FRMD4A: variants seen among roughly 807,000 people sequenced by gnomAD.
FRMD4A encodes the protein FERM domain containing 4A.
Under a neutral mutation model 129.1 loss-of-function variants are expected in FRMD4A, and 29 were observed. The ratio of observed to expected loss-of-function variants is 0.22; its 90% CI spans 0.17 to 0.31. FRMD4A has a LOEUF of 0.31. Ranked by LOEUF, FRMD4A falls within the 10% of genes least tolerant of loss-of-function variation. FRMD4A has a pLI of 1.00. For missense variants in FRMD4A, 1,272 were observed against 1,375.8 expected, an observed-to-expected ratio of 0.92 and a Z score of 1.19; for synonymous variants, 634 against 571.6, an observed-to-expected ratio of 1.11 and a Z score of -1.56.
At chr10:14,140,900 G>A (rs2400041) in intron 2 of FRMD4A, among the ~76,000 whole-genome samples, 43,099 of 151,988 alleles carry the variant, frequency 0.28, 7,223 homozygotes, top group East Asian at 0.51. Flanking sequence ...GGCTCAGGGA[G>A]ACTGAAGTCT....
chr10:13,828,579 CT>C (rs2093740327), intron 3 of FRMD4A, among the ~76,000 whole-genome samples: 1 of 150,158 alleles, frequency 6.7e-6, no homozygotes, highest in African/African-American at 2.5e-5. Flanking sequence ...GTTGCCCAGG[CT>C]GGAGTGCAAT....
At position 13,714,021 on chromosome 10, in the gene FRMD4A, A is replaced by AAATATATATTTTATATATAT. The variant is rs1225477259; in HGVS notation, c.760-6909_760-6908insATATATATAAAATATATATT. Among the ~76,000 whole-genome samples, 4 of 1,476 alleles carry AAATATATATTTTATATATAT rather than the reference A, an allele frequency of 2.7e-3. 2 individuals carry two copies. The highest frequency in any genetic ancestry group is 4.0e-3 in the Non-Finnish European group (2 of 494). The allele number at this position is 1,476 out of a possible 152,430, so 1.0% of individuals were successfully genotyped here. A position where few individuals can be genotyped will look rare whatever the true frequency, so the allele number is the denominator to read the frequency against. ...ATACATATATAATATACATATATAA[A>AAATATATATTTTATATATAT]ATATACATATATATATATATATATA... On this transcript the variant is annotated intron_variant, in intron 12 of 24. Transcript: ENST00000357447.
intron 2 of FRMD4A, among the ~76,000 whole-genome samples, chr10:13,927,397 G>A (rs548371896): frequency 6.6e-6 from 1 of 152,222 alleles, no homozygotes; most frequent in East Asian, 1.9e-4. Flanking sequence ...TAAACTCATG[G>A]CTGCCCATGA....
At chr10:13,981,168 G>A (rs1029799377) in intron 2 of FRMD4A, among the ~76,000 whole-genome samples, 6 of 152,168 alleles carry the variant, frequency 3.9e-5, no homozygotes, top group African/African-American at 1.4e-4. Context: ...ATTTGACTGA[G>A]GATGGTAGAT....
intron 2 of FRMD4A, among the ~76,000 whole-genome samples, chr10:13,912,520 ATTTTTTTTTT>A (rs57865883): frequency 7.9e-6 from 1 of 126,212 alleles, no homozygotes; most frequent in African/African-American, 3.0e-5. Context: ...ACATAATAGA[ATTTTTTTTTT>A]TTTTTTTTTT....
In FRMD4A at chr10:13,657,322, G is replaced by T; in HGVS notation, c.2267C>A (p.Ser756Ter). Residue 756 changes from serine to a stop codon, truncating the protein, a stop_gained, in exon 22 of 25, where the codon TCG becomes TAG. Coordinates refer to ENST00000357447, the MANE Select transcript of FRMD4A (RefSeq NM_018027.5). LOFTEE classifies it high-confidence loss of function. ...CATCTGCGCCGGGTAGTAGTGCTCC[G>T]AGCTCGAGTGGCTGGTGCACGACGA... ...DCSSCTSHSSSEHYYPAQMNA... is the reference protein window; with the variant it reads ...DCSSCTSHSS 1 of 1,611,896 alleles carries T rather than the reference G, an allele frequency of 6.2e-7. No homozygotes were observed.
chr10:13,783,834 C>A (rs4750414), intron 5 of FRMD4A, among the ~76,000 whole-genome samples: 44,878 of 152,096 alleles, frequency 0.3, 7,429 homozygotes, highest in East Asian at 0.52. Flanking sequence ...AAATGAGAAT[C>A]GGATTTCATC....
At chr10:13,961,293 T>C (rs913071176) in intron 2 of FRMD4A, among the ~76,000 whole-genome samples, 1 of 152,186 alleles carries the variant, frequency 6.6e-6, no homozygotes, top group Non-Finnish European at 1.5e-5. Flanking sequence ...AATCATTCAC[T>C]GGAAACCCAT....
At chr10:14,100,673 A>G (rs72776679) in intron 2 of FRMD4A, among the ~76,000 whole-genome samples, 22,646 of 152,060 alleles carry the variant, frequency 0.15, 1,996 homozygotes, top group Non-Finnish European at 0.2. Flanking sequence ...TGAAGTTAAG[A>G]TTATTGAAGA....
At chr10:14,184,764 A>G (rs1842032191) in intron 2 of FRMD4A, among the ~76,000 whole-genome samples, 1 of 152,170 alleles carries the variant, frequency 6.6e-6, no homozygotes, top group Non-Finnish European at 1.5e-5. Context: ...TAAGTCAGAT[A>G]TGAAAGAAGA....
intron 2 of FRMD4A, among the ~76,000 whole-genome samples, chr10:14,239,227 C>A (rs1050800568): frequency 1.3e-5 from 2 of 152,188 alleles, no homozygotes; most frequent in Non-Finnish European, 2.9e-5. Flanking sequence ...GGTTGTATAA[C>A]CCTACGTGGC....
rs891952269 is a variant in FRMD4A at position 13,738,171 on chromosome 10, C to T, written c.673-241G>A. Among the ~76,000 whole-genome samples, 6 of 152,074 alleles carry T rather than the reference C, an allele frequency of 3.9e-5. No homozygotes were observed. The South Asian group carries it at 6.2e-4, about 16-fold the overall frequency. ...GGGCCTGGCTCTGCTCTTAATCAGC[C>T]GCACAGCCGAGGTCCTTTCCCTTTA... is the stretch of plus-strand genomic sequence containing the variant. On this transcript the variant is annotated intron_variant, in intron 11 of 24. Coordinates refer to ENST00000357447, the MANE Select transcript of FRMD4A (RefSeq NM_018027.5).
chr10:13,759,102 TC>T (rs1025634714), intron 8 of FRMD4A, among the ~76,000 whole-genome samples: 2 of 152,184 alleles, frequency 1.3e-5, no homozygotes, highest in African/African-American at 4.8e-5. Flanking sequence ...TATCAGAGAC[TC>T]CCATGTAACA....
intron 2 of FRMD4A, among the ~76,000 whole-genome samples, chr10:14,107,329 A>C (rs1234989339): frequency 5.9e-5 from 9 of 152,224 alleles, no homozygotes; most frequent in African/African-American, 2.2e-4. Context: ...ACAAACCTGC[A>C]TGTGAACCCC....
chr10:14,118,623 G>C (rs1838324626), intron 2 of FRMD4A, among the ~76,000 whole-genome samples: 2 of 152,174 alleles, frequency 1.3e-5, no homozygotes, highest in African/African-American at 4.8e-5. Context: ...GGCTATGGAG[G>C]CCTCACAATC....
chr10:13,700,646 A>G (rs1001543130), intron 14 of FRMD4A, among the ~76,000 whole-genome samples: 3 of 151,662 alleles, frequency 2.0e-5, no homozygotes, highest in Non-Finnish European at 4.4e-5. Flanking sequence ...GGGCTGGAGG[A>G]AGAGGGGGCA....
intron 2 of FRMD4A, among the ~76,000 whole-genome samples, chr10:14,212,887 C>T (rs995588513): frequency 6.6e-6 from 1 of 152,192 alleles, no homozygotes; most frequent in African/African-American, 2.4e-5. Context: ...AGATTTCCCT[C>T]AAGGGTGTGA....
chr10:14,266,490 T>A (rs1167039870), intron 2 of FRMD4A, among the ~76,000 whole-genome samples: 1 of 125,102 alleles, frequency 8.0e-6, no homozygotes, highest in African/African-American at 3.0e-5. Flanking sequence ...CCCTAGTAGA[T>A]GTTGTGCTCT....
At chr10:13,746,600 A>C (rs1588532841) in intron 9 of FRMD4A, among the ~76,000 whole-genome samples, 1 of 152,314 alleles carries the variant, frequency 6.6e-6, no homozygotes, top group East Asian at 1.9e-4. Flanking sequence ...AGACAAGACA[A>C]AATGCTCATA....
Sources: allele counts gnomAD v4.1 joint callset (sites outside exome capture counted in the v4.1 genomes callset), GRCh38; gene constraint gnomAD v4.1.1; transcripts MANE v1.5; gene names NCBI Gene and HGNC (gene_info 2026-07-23, HGNC 2026-07-21).